The following CDKAL1 variants were observed in gnomAD, a reference collection of about 807,000 sequenced individuals.
The protein encoded by CDKAL1 is CDKAL1 threonylcarbamoyladenosine tRNA methylthiotransferase.
CDKAL1 carries 32 observed loss-of-function variants against 68.2 expected under a neutral mutation model. The observed-to-expected ratio is 0.47, with a 90% CI of 0.35 to 0.63. The LOEUF is 0.63. Ranked by LOEUF, CDKAL1 falls within the 30% of genes least tolerant of loss-of-function variation. The pLI is 0.00. For synonymous variants in CDKAL1, 234 were observed against 244.3 expected (o/e 0.96, Z 0.39); for missense variants, 606 against 696.7 (o/e 0.87, Z 1.47).
chr6:21,154,477 A>G (rs774303279), intron 13 of CDKAL1, among the ~76,000 whole-genome samples: 2 of 152,198 alleles, frequency 1.3e-5, no homozygotes, highest in Admixed American at 6.6e-5. Context: ...CCAAAATTTT[A>G]TCAATATCTG....
rs548685471 is a variant in CDKAL1, at chr6:21,107,233, C to G, written c.1237-1168C>G. On this transcript the variant is annotated intron_variant, in intron 12 of 15. Transcript: ENST00000274695. Reference sequence around the variant, plus strand: ...GAGTGCTGGGATTACAGGCGTGAGCCACCGTGCCCGGCCAAAAAAGCCACT... The same window carrying G: ...GAGTGCTGGGATTACAGGCGTGAGCGACCGTGCCCGGCCAAAAAAGCCACT... Among the ~76,000 whole-genome samples, 22 of 152,162 alleles carry G rather than the reference C, an allele frequency of 1.4e-4. No individual in the cohort carries two copies. In the East Asian group the frequency reaches 4.3e-3, roughly 29 times the overall value.
intron 9 of CDKAL1, among the ~76,000 whole-genome samples, chr6:20,849,562 G>A (rs900995053): frequency 1.5e-5 from 2 of 134,756 alleles, no homozygotes; most frequent in African/African-American, 2.8e-5. Flanking sequence ...GAGCCTGGGC[G>A]ACAGAGCAAG....
intron 10 of CDKAL1, among the ~76,000 whole-genome samples, chr6:20,981,294 G>C (rs1214085721): frequency 6.6e-6 from 1 of 152,000 alleles, no homozygotes; most frequent in African/African-American, 2.4e-5. Context: ...AACTTGTAAG[G>C]GATTGAATTT....
chr6:20,812,419 T>C (rs919218532), intron 8 of CDKAL1, among the ~76,000 whole-genome samples: 13 of 152,214 alleles, frequency 8.5e-5, no homozygotes, highest in Admixed American at 8.5e-4. Flanking sequence ...CAGTAGTCTT[T>C]CTAGAGCGTT....
At chr6:21,159,670 AT>A (rs1416767464) in intron 13 of CDKAL1, among the ~76,000 whole-genome samples, 1 of 152,240 alleles carries the variant, frequency 6.6e-6, no homozygotes, top group African/African-American at 2.4e-5. Flanking sequence ...TTGTGAAAGT[AT>A]GTCCTCAGTT....
rs1498427 is a variant in CDKAL1 at position 20,908,370 on chromosome 6, C to A, written c.743-47049C>A. Among the ~76,000 whole-genome samples the A allele has an allele frequency of 2.0e-5, 3 of 152,310 alleles. No individual in the cohort carries two copies. In the South Asian group the frequency reaches 6.2e-4, roughly 32 times the overall value. On this transcript the variant is annotated intron_variant, in intron 9 of 15. Coordinates refer to ENST00000274695, the MANE Select transcript of CDKAL1 (RefSeq NM_017774.3). The stretch of plus-strand genomic sequence containing the variant: ...AAATGTAATTACTTGAAAATATTTA[C>A]CATTGATTAAAAATGTCACATTTTG...
intron 12 of CDKAL1, among the ~76,000 whole-genome samples, chr6:21,083,728 T>C (rs1772543372): frequency 6.6e-6 from 1 of 152,188 alleles, no homozygotes; most frequent in African/African-American, 2.4e-5. Context: ...TGCATTTAGT[T>C]GTTCTATTTC....
At chr6:20,831,835 T>C (rs1777730761) in intron 8 of CDKAL1, among the ~76,000 whole-genome samples, 1 of 152,206 alleles carries the variant, frequency 6.6e-6, no homozygotes, top group Admixed American at 6.5e-5. Flanking sequence ...CTTTCCAATT[T>C]GCTTCAAATG....
chr6:20,752,979 A>T (rs984029350), intron 6 of CDKAL1, among the ~76,000 whole-genome samples: 1 of 151,856 alleles, frequency 6.6e-6, no homozygotes, highest in Non-Finnish European at 1.5e-5. Flanking sequence ...ACCACTCCCA[A>T]CGTTTTTTTT....
intron 12 of CDKAL1, among the ~76,000 whole-genome samples, chr6:21,089,468 C>A (rs1181377615): frequency 2.0e-5 from 3 of 152,074 alleles, no homozygotes; most frequent in South Asian, 4.1e-4. Context: ...CAGAGCAAGA[C>A]CCTGTCTCTA....
chr6:20,705,591 A>G (rs553304232), intron 5 of CDKAL1, among the ~76,000 whole-genome samples: 8 of 152,334 alleles, frequency 5.3e-5, no homozygotes, highest in South Asian at 2.1e-4. Context: ...AAAGACCCCC[A>G]TGTATAAACA....
rs537961815 is a variant in CDKAL1 at position 21,080,687 on chromosome 6, A to G, written c.1236+15459A>G. On this transcript the variant is annotated intron_variant, in intron 12 of 15. Coordinates refer to ENST00000274695, the MANE Select transcript of CDKAL1 (RefSeq NM_017774.3). ...TGGCCCAACTTTTTGTTTAGCCCCA[A>G]TGTGACAATGATGAACTAAATTCCA... 7.0e-4 allele frequency among the ~76,000 whole-genome samples: 105 copies of G among 150,286 alleles called. 1 individual carries two copies. The highest frequency in any genetic ancestry group is 1.1e-3 in the Non-Finnish European group (76 of 67,516).
chr6:21,140,508 T>C (rs1030920683), intron 13 of CDKAL1, among the ~76,000 whole-genome samples: 2 of 152,178 alleles, frequency 1.3e-5, no homozygotes, highest in Admixed American at 6.5e-5. Context: ...TTAAGAGACT[T>C]GCCCACTTTC....
intron 15 of CDKAL1, among the ~76,000 whole-genome samples, chr6:21,217,288 CTTTTTCTT>C (rs1427914248): frequency 1.1e-5 from 1 of 91,630 alleles, no homozygotes; most frequent in Non-Finnish European, 2.1e-5. Context: ...TTTAGGATTT[CTTTTTCTT>C]TTTTTTTTTT....
At chr6:20,595,582 T>C (rs1158627351) in intron 4 of CDKAL1, among the ~76,000 whole-genome samples, 14 of 152,106 alleles carry the variant, frequency 9.2e-5, no homozygotes, top group Admixed American at 8.5e-4. Flanking sequence ...CTCACCTTTT[T>C]TCAGGGTTCT....
intron 6 of CDKAL1, among the ~76,000 whole-genome samples, chr6:20,744,702 T>A (rs1373932069): frequency 6.6e-6 from 1 of 152,208 alleles, no homozygotes; most frequent in Non-Finnish European, 1.5e-5. Flanking sequence ...TTTGCTGAGT[T>A]CTTCTTCCTA....
At chr6:21,220,440 G>T (rs915279875) in intron 15 of CDKAL1, among the ~76,000 whole-genome samples, 1 of 152,184 alleles carries the variant, frequency 6.6e-6, no homozygotes, top group Non-Finnish European at 1.5e-5. Flanking sequence ...AAAGATAAAT[G>T]TATCTCCAGC....
intron 4 of CDKAL1, among the ~76,000 whole-genome samples, chr6:20,600,935 G>A (rs4710935): frequency 0.82 from 123,859 of 151,814 alleles, 50,990 homozygotes; most frequent in African/African-American, 0.93. Context: ...AGAATTATAT[G>A]AAATGAGGCA....
In CDKAL1 at chr6:20,760,502, A is replaced by G. The variant is rs913801922; in HGVS notation, c.517+1859A>G. 4.6e-5 allele frequency among the ~76,000 whole-genome samples: 7 copies of G among 152,194 alleles called. No homozygotes were observed. In the East Asian group the frequency reaches 1.2e-3, roughly 25 times the overall value. Reference sequence around the variant, plus strand: ...AATAGTACTGTGAAGTGAAGTGGGCATAAATATTTTCCTAATTTTGCAGAG... The same window carrying G: ...AATAGTACTGTGAAGTGAAGTGGGCGTAAATATTTTCCTAATTTTGCAGAG... On this transcript the variant is annotated intron_variant, in intron 7 of 15. Transcript: ENST00000274695.
Sources: gnomAD v4.1 joint callset for allele counts (sites outside exome capture counted in the v4.1 genomes callset) on GRCh38, gnomAD v4.1.1 for gene constraint, MANE v1.5 for transcripts, NCBI Gene and HGNC (gene_info 2026-07-23, HGNC 2026-07-21) for gene names.